SLC13A4: variants seen among roughly 807,000 people sequenced by gnomAD.
SLC13A4 encodes the protein Na(+)/sulfate cotransporter SUT-1.
In SLC13A4, 28 loss-of-function variants were observed where a neutral mutation model predicts 72.7. The observed-to-expected ratio is 0.39, with a 90% CI of 0.29 to 0.53. The LOEUF (loss-of-function observed/expected upper bound fraction) is 0.53. Ranked by LOEUF, SLC13A4 falls within the 20% of genes least tolerant of loss-of-function variation. The pLI is 0.78. For synonymous variants in SLC13A4, 312 were observed against 325.5 expected (o/e 0.96, Z 0.45); for missense variants, 653 against 788.0 (o/e 0.83, Z 2.05).
intron 1 of SLC13A4, among the ~76,000 whole-genome samples, chr7:135,724,931 C>T (rs535139769): frequency 1.1e-4 from 17 of 152,322 alleles, no homozygotes; most frequent in Non-Finnish European, 1.9e-4. Context: ...ATGTCCCCAA[C>T]GCCTATCCCA....
chr7:135,691,255 G>C lies in SLC13A4; in HGVS notation c.1392C>G (p.Pro464=), dbSNP rs758216229. The change falls in exon 13 of 16, where the codon CCC becomes CCG. Residue 464 remains proline (P), a synonymous_variant. Transcript: ENST00000682651. ...ITWKDFQKTM[P]WEIVILVGGG... is the part of the protein sequence containing the mutation. ...CCCCAACCAGAATGACAATCTCCCA[G>C]GGCATGGTCTTCTGGAAGTCCTTCC... 2.5e-6 allele frequency: 4 copies of C among 1,613,646 alleles called. No individual in the cohort carries two copies. Among genetic ancestry groups the C allele is most frequent in the Non-Finnish European group, 3.4e-6 (4 of 1,179,916 alleles).
At chr7:135,688,143 T>A (rs1795682618) in intron 13 of SLC13A4, among the ~76,000 whole-genome samples, 1 of 151,122 alleles carries the variant, frequency 6.6e-6, no homozygotes, top group Non-Finnish European at 1.5e-5. Flanking sequence ...ACCCGGCTAA[T>A]TTTTGTATTT....
chr7:135,722,137 G>T (rs1796562028), intron 1 of SLC13A4, among the ~76,000 whole-genome samples: 1 of 152,130 alleles, frequency 6.6e-6, no homozygotes, highest in Non-Finnish European at 1.5e-5. Context: ...CCAGCTACTT[G>T]GGAGGCTGAT....
At chr7:135,685,472 A>C in intron 14 of SLC13A4, 50 bp downstream of exon 14, 1 of 1,576,760 alleles carries the variant, frequency 6.3e-7, no homozygotes, top group Non-Finnish European at 8.7e-7. Flanking sequence ...CTGCCACTCC[A>C]GGCCCCTGGG....
intron 2 of SLC13A4, among the ~76,000 whole-genome samples, chr7:135,718,814 CCT>C (rs1052619764): frequency 2.2e-4 from 34 of 152,260 alleles, no homozygotes; most frequent in African/African-American, 8.2e-4. Context: ...CTAGCTTCCC[CCT>C]GTGAGCCATG....
At chr7:135,681,748 C>A (rs1273661658) in intron 15 of SLC13A4, 48 bp from the exon 16 acceptor site, 2 of 1,586,282 alleles carry the variant, frequency 1.3e-6, no homozygotes, top group South Asian at 1.2e-5. Context: ...CCAGCAGCAG[C>A]ACAGATCCCC....
At position 135,681,436 on chromosome 7, in the gene SLC13A4, G is replaced by A; in HGVS notation, c.*127C>T. ...TGAGGTGGCGGAATCTTCTGGTGGAGGGATGCCCTCCGGCGTGGGTCTGGG... is the reference window on the plus strand; with the variant it reads ...TGAGGTGGCGGAATCTTCTGGTGGAAGGATGCCCTCCGGCGTGGGTCTGGG... On this transcript the variant is annotated 3_prime_UTR_variant, in exon 16 of 16. Coordinates refer to ENST00000682651, the MANE Select transcript of SLC13A4 (RefSeq NM_001318192.2). 8.4e-7 allele frequency: 1 copy of A among 1,194,490 alleles called. No individual in the cohort carries two copies. Among genetic ancestry groups the A allele is most frequent in the Non-Finnish European group, 1.2e-6 (1 of 860,360 alleles). 74.0% of individuals were successfully genotyped at this position (1,194,490 alleles called of 1,614,324 possible). A position where few individuals can be genotyped will look rare whatever the true frequency, so the allele number is the denominator to read the frequency against.
chr7:135,706,823 C>T (rs1205611056), intron 3 of SLC13A4, among the ~76,000 whole-genome samples: 1 of 152,240 alleles, frequency 6.6e-6, no homozygotes, highest in East Asian at 1.9e-4. Flanking sequence ...GAAGGCATAG[C>T]CCCCAAAGTC....
chr7:135,683,902 C>G (rs1795561553), intron 15 of SLC13A4: 1 of 666,894 alleles, frequency 1.5e-6, no homozygotes. Context: ...TAGGTACCCA[C>G]TTCCTTCCAG....
chr7:135,685,907 C>T lies in SLC13A4; in HGVS notation c.1447-224G>A, dbSNP rs578155292. On this transcript the variant is annotated intron_variant, in intron 13 of 15. Transcript: ENST00000682651. The stretch of plus-strand genomic sequence containing the variant: ...TGCACAACATTCAGTGTTTGGGTTT[C>T]GTCATGGGACATGGAGAGCCACCCT... Among the ~76,000 whole-genome samples the T allele has an allele frequency of 4.6e-5, 7 of 152,326 alleles. No homozygotes were observed. The South Asian group carries it at 1.2e-3, about 27-fold the overall frequency.
intron 8 of SLC13A4, among the ~76,000 whole-genome samples, chr7:135,697,068 G>A (rs912176761): frequency 6.6e-6 from 1 of 152,134 alleles, no homozygotes; most frequent in African/African-American, 2.4e-5. Flanking sequence ...CCCTTACCAG[G>A]AGGCAAAATG....
intron 2 of SLC13A4, among the ~76,000 whole-genome samples, chr7:135,714,613 C>T (rs149362693): frequency 5.9e-5 from 9 of 152,318 alleles, no homozygotes; most frequent in African/African-American, 1.9e-4. Context: ...CACATGCCCA[C>T]GGGCCCGCAT....
At position 135,727,570 on chromosome 7, in the gene SLC13A4, C is replaced by G; in HGVS notation, c.-74G>C. ...AAAGGCTTCCTGCCTGGGCACTGCT[C>G]TCTATCCAGAAAGACTTCTTAAACC... On this transcript the variant is annotated 5_prime_UTR_variant, in exon 1 of 16. Coordinates refer to ENST00000682651, the MANE Select transcript of SLC13A4 (RefSeq NM_001318192.2). The G allele has an allele frequency of 1.3e-6, 2 of 1,493,218 alleles. No individual in the cohort carries two copies. The highest frequency in any genetic ancestry group is 1.8e-6 in the Non-Finnish European group (2 of 1,113,928). The allele number at this position is 1,493,218 out of a possible 1,614,324, so 92.5% of individuals were successfully genotyped here. A position where few individuals can be genotyped will look rare whatever the true frequency, so the allele number is the denominator to read the frequency against.
At chr7:135,700,356 C>T (rs903097751) in intron 7 of SLC13A4, among the ~76,000 whole-genome samples, 2 of 152,178 alleles carry the variant, frequency 1.3e-5, no homozygotes, top group Admixed American at 1.3e-4. Context: ...TCACACCTGG[C>T]CACCTTCACT....
Position 135,708,269 on chromosome 7 carries a change from T to C in SLC13A4, c.229-19A>G, listed in dbSNP as rs536331513. 15 of 1,613,886 alleles carry C rather than the reference T, an allele frequency of 9.3e-6. No homozygotes were observed. In the South Asian group the frequency reaches 1.4e-4, roughly 15 times the overall value. ...CCGCCACCTGTAGGGAGGCCAGGCA[T>C]GTCAGTCACCCTCCCGGACCAAAGA... On this transcript the variant is annotated intron_variant, in intron 2 of 15. Coordinates refer to ENST00000682651, the MANE Select transcript of SLC13A4 (RefSeq NM_001318192.2).
chr7:135,727,525 T>G lies in SLC13A4; in HGVS notation c.-29A>C, dbSNP rs3112369. The G allele has an allele frequency of 1.3e-6, 2 of 1,538,482 alleles. No homozygotes were observed. The highest frequency in any genetic ancestry group is 2.4e-5 in the South Asian group (2 of 83,280). On this transcript the variant is annotated 5_prime_UTR_variant, in exon 1 of 16. Transcript: ENST00000682651. ...GCCTCTGTCCTCTCCAGCTCGTCCTTGGACCCCGCTCTGCCGGCGAAAGGC... is the reference window on the plus strand; with the variant it reads ...GCCTCTGTCCTCTCCAGCTCGTCCTGGGACCCCGCTCTGCCGGCGAAAGGC...
chr7:135,723,836 T>C (rs1796596935), intron 1 of SLC13A4, among the ~76,000 whole-genome samples: 1 of 151,984 alleles, frequency 6.6e-6, no homozygotes, highest in African/African-American at 2.4e-5. Context: ...CCCACTGAGA[T>C]GTTCTCTGGG....
intron 1 of SLC13A4, among the ~76,000 whole-genome samples, chr7:135,725,965 C>T (rs529057466): frequency 7.0e-4 from 107 of 152,014 alleles, no homozygotes; most frequent in African/African-American, 2.1e-3. Flanking sequence ...TGAGACTCTG[C>T]GTCTACAAAA....
chr7:135,694,253 T>C lies in SLC13A4; in HGVS notation c.1020-15A>G. 1 of 1,480,094 alleles carries C rather than the reference T, an allele frequency of 6.8e-7. No homozygotes were observed. The allele number at this position is 1,480,094 out of a possible 1,614,324, so 91.7% of individuals were successfully genotyped here. On this transcript the variant is annotated splice_polypyrimidine_tract_variant and intron_variant, in intron 9 of 15. Coordinates refer to ENST00000682651, the MANE Select transcript of SLC13A4 (RefSeq NM_001318192.2). ...TCTCTTTAAAACTGAGAAGGGAGAATGAGCAAATGATTAAAGAAAACACAC... is the reference window on the plus strand; with the variant it reads ...TCTCTTTAAAACTGAGAAGGGAGAACGAGCAAATGATTAAAGAAAACACAC...
Sources: allele counts gnomAD v4.1 joint callset (sites outside exome capture counted in the v4.1 genomes callset), GRCh38; gene constraint gnomAD v4.1.1; transcripts MANE v1.5; gene names NCBI Gene and HGNC (gene_info 2026-07-23, HGNC 2026-07-21).